Variants in DDX47 observed in about 807,000 individuals in gnomAD.
The protein encoded by DDX47 is probable ATP-dependent RNA helicase DDX47.
In DDX47, 60 loss-of-function variants were observed where a neutral mutation model predicts 58.8. The ratio of observed to expected loss-of-function variants is 1.02; its 90% CI spans 0.83 to 1.26. The LOEUF is 1.26. DDX47 is among the 50% of genes most tolerant of loss of function. DDX47 has a pLI of 0.00. For synonymous variants in DDX47, 197 were observed against 204.6 expected (o/e 0.96, Z 0.32); for missense variants, 530 against 573.2 (o/e 0.92, Z 0.77).
rs111488457 is a variant in DDX47, at chr12:12,827,045, C to T, written c.1107-201C>T. ...GCGTTGGGATTACAGGTGCAAGCCA[C>T]CATGCCTGGCCTCCCTTGAGTGATT... is the stretch of plus-strand genomic sequence containing the variant. On this transcript the variant is annotated intron_variant, in intron 10 of 11. Coordinates refer to ENST00000358007, the MANE Select transcript of DDX47 (RefSeq NM_016355.4). Among the ~76,000 whole-genome samples the T allele has an allele frequency of 5.9e-5, 9 of 152,306 alleles. 2 individuals are homozygous for T. The highest frequency in any genetic ancestry group is 2.2e-4 in the African/African-American group (9 of 41,566).
intron 2 of DDX47, among the ~76,000 whole-genome samples, chr12:12,818,034 G>A (rs1352824141): frequency 6.6e-6 from 1 of 152,210 alleles, no homozygotes; most frequent in African/African-American, 2.4e-5. Flanking sequence ...TACACAGGCT[G>A]GGACGGCAGT....
At chr12:12,823,721 A>T (rs1863007654) in intron 7 of DDX47, 149 bp from the exon 8 acceptor site, 1 of 736,328 alleles carries the variant, frequency 1.4e-6, no homozygotes, top group Admixed American at 2.7e-5. Context: ...AGAGATGATA[A>T]TGCTGGTTAA....
At chr12:12,816,577 T>C (rs1862900854) in intron 2 of DDX47, among the ~76,000 whole-genome samples, 1 of 152,192 alleles carries the variant, frequency 6.6e-6, no homozygotes, top group South Asian at 2.1e-4. Flanking sequence ...ATACACACTG[T>C]ATCCAAAGAG....
chr12:12,825,747 G>A (rs961479167), intron 9 of DDX47, among the ~76,000 whole-genome samples: 1 of 152,126 alleles, frequency 6.6e-6, no homozygotes, highest in Non-Finnish European at 1.5e-5. Flanking sequence ...TGCAGCCTGC[G>A]ACCATGTAGA....
At chr12:12,816,449 T>C (rs997973940) in intron 2 of DDX47, among the ~76,000 whole-genome samples, 3 of 152,182 alleles carry the variant, frequency 2.0e-5, no homozygotes, top group African/African-American at 7.2e-5. Context: ...AAACTTTGCA[T>C]TGTATACCAT....
rs565789222 is a variant in DDX47 at position 12,813,388 on chromosome 12, C to T, written c.21C>T (p.His7=). 23 of 1,613,476 alleles carry T rather than the reference C, an allele frequency of 1.4e-5. No homozygotes were observed. The South Asian group carries it at 1.8e-4, about 12-fold the overall frequency. The part of the protein sequence containing the change: MAAPEE[H]DSPTEASQPI... ...ACAAGATGGCGGCACCCGAGGAACA[C>T]GATTCTCCGACCGAAGCGTCCCAGC... is the stretch of plus-strand genomic sequence containing the variant. The change falls in exon 1 of 12, where the codon CAC becomes CAT. Residue 7 remains histidine (H), a synonymous_variant. Coordinates refer to ENST00000358007, the MANE Select transcript of DDX47 (RefSeq NM_016355.4).
At chr12:12,821,464 G>A (rs763504593) in intron 3 of DDX47, 68 bp downstream of exon 3, 1 of 1,568,612 alleles carries the variant, frequency 6.4e-7, no homozygotes, top group Non-Finnish European at 8.8e-7. Flanking sequence ...GGAGGAAGGA[G>A]AATGGAGGAA....
intron 4 of DDX47, 61 bp from the exon 5 acceptor site, chr12:12,821,899 ATTTGT>A (rs2136422565): frequency 4.7e-6 from 6 of 1,266,490 alleles, no homozygotes; most frequent in East Asian, 4.7e-5. Context: ...TTATTTGTTT[ATTTGT>A]TTTGTTTTTT....
Position 12,821,215 on chromosome 12 carries a change from T to C in DDX47, c.189T>C (p.Asp63=). The change falls in exon 3 of 12, where the codon GAT becomes GAC. Residue 63 remains aspartate, a synonymous_variant. Coordinates refer to ENST00000358007, the MANE Select transcript of DDX47 (RefSeq NM_016355.4). ...EAIPLALQGR[D]IIGLAETGSG... Reference sequence around the variant, plus strand: ...AATTTCTTTTTCTTTTAGGTCGTGATATCATTGGGCTTGCAGAAACTGGCT... The same window carrying C: ...AATTTCTTTTTCTTTTAGGTCGTGACATCATTGGGCTTGCAGAAACTGGCT... 1 of 1,614,202 alleles carries C rather than the reference T, an allele frequency of 6.2e-7. No individual in the cohort carries two copies. The highest frequency in any genetic ancestry group is 8.5e-7 in the Non-Finnish European group (1 of 1,180,042).
intron 2 of DDX47, chr12:12,820,805 T>G (rs566057588): frequency 1.0e-4 from 22 of 213,804 alleles, no homozygotes; most frequent in Non-Finnish European, 2.0e-4. Context: ...CCAGCCAGCA[T>G]GCTATGTTCT....
intron 1 of DDX47, 101 bp downstream of exon 1, chr12:12,813,555 T>C: frequency 4.5e-6 from 5 of 1,100,202 alleles, no homozygotes; most frequent in Admixed American, 4.3e-5. Flanking sequence ...CAAAAGCATC[T>C]TGGGGCCTAG....
chr12:12,829,679 C>A lies in DDX47; in HGVS notation c.*125C>A. The A allele has an allele frequency of 8.2e-7, 1 of 1,220,536 alleles. No individual in the cohort carries two copies. The highest frequency in any genetic ancestry group is 1.1e-6 in the Non-Finnish European group (1 of 893,010). The allele number at this position is 1,220,536 out of a possible 1,614,324, so 75.6% of individuals were successfully genotyped here. Reference sequence around the variant, plus strand: ...GTGTCCAGAATGTGCTCAGCTAATTCAGTATTCTTCCCCATTCTGGGTTGG... The same window carrying A: ...GTGTCCAGAATGTGCTCAGCTAATTAAGTATTCTTCCCCATTCTGGGTTGG... On this transcript the variant is annotated 3_prime_UTR_variant, in exon 12 of 12. Coordinates refer to ENST00000358007, the MANE Select transcript of DDX47 (RefSeq NM_016355.4).
intron 8 of DDX47, 87 bp downstream of exon 8, chr12:12,824,103 A>G (rs1034180631): frequency 1.4e-6 from 2 of 1,441,234 alleles, no homozygotes; most frequent in Non-Finnish European, 1.9e-6. Context: ...ATAAGGCCAT[A>G]GGGCACCGAT....
intron 7 of DDX47, 102 bp from the exon 8 acceptor site, chr12:12,823,768 G>A (rs1863008424): frequency 8.3e-7 from 1 of 1,207,968 alleles, no homozygotes; most frequent in South Asian, 1.5e-5. Context: ...CTGGATAATT[G>A]AAAAGCGACT....
chr12:12,814,218 T>G lies in DDX47; in HGVS notation c.175T>G (p.Leu59Val). ...CCAGATTGAAGCTATTCCTTTGGCC[T>G]TACAAGGTAGGTTGTATGACTTCGT... ...KIQIEAIPLA[L>V]QGRDIIGLAE... is the part of the protein sequence containing the mutation. Residue 59 changes from leucine (L) to valine (V), a missense_variant, in exon 2 of 12, where the codon TTA (leucine) becomes GTA (valine). Coordinates refer to ENST00000358007, the MANE Select transcript of DDX47 (RefSeq NM_016355.4). The G allele has an allele frequency of 6.2e-7, 1 of 1,603,516 alleles. No homozygotes were observed. Among genetic ancestry groups the G allele is most frequent in the East Asian group, 2.2e-5 (1 of 44,786 alleles).
chr12:12,819,076 G>A (rs1270660020), intron 2 of DDX47, among the ~76,000 whole-genome samples: 1 of 152,172 alleles, frequency 6.6e-6, no homozygotes, highest in Non-Finnish European at 1.5e-5. Context: ...TTACAGGTCT[G>A]TTCTACTTGA....
In DDX47 at chr12:12,821,286, T is replaced by C. The variant is rs1242801934; in HGVS notation, c.260T>C (p.Leu87Pro). 6.2e-7 allele frequency: 1 copy of C among 1,614,126 alleles called. No homozygotes were observed. The highest frequency in any genetic ancestry group is 1.3e-5 in the African/African-American group (1 of 74,952). The stretch of plus-strand genomic sequence containing the variant: ...GCTTTGCCCATTCTAAACGCACTGC[T>C]GGAGACCCCGCAGCGTTTGTTTGCC... ...AFALPILNAL[L>P]ETPQRLFALV... is the part of the protein sequence containing the mutation. Residue 87 changes from leucine (L) to proline (P), a missense_variant, in exon 3 of 12, where the codon CTG becomes CCG. Physicochemically the swap from Leu to Pro is moderately conservative, Grantham distance 98 (BLOSUM62 -3). Coordinates refer to ENST00000358007, the MANE Select transcript of DDX47 (RefSeq NM_016355.4).
At chr12:12,825,882 C>A (rs781695222) in intron 9 of DDX47, 118 bp from the exon 10 acceptor site, 97 of 730,108 alleles carry the variant, frequency 1.3e-4, no homozygotes, top group Non-Finnish European at 1.8e-4. Context: ...TTTATTTTCT[C>A]CATGTTACGA....
At chr12:12,828,987 T>G (rs1863093081) in intron 11 of DDX47, among the ~76,000 whole-genome samples, 1 of 152,238 alleles carries the variant, frequency 6.6e-6, no homozygotes, top group Non-Finnish European at 1.5e-5. Context: ...CACCCTACTT[T>G]GTACAGCTTT....
Sources: allele counts gnomAD v4.1 joint callset (sites outside exome capture counted in the v4.1 genomes callset), GRCh38; gene constraint gnomAD v4.1.1; transcripts MANE v1.5; gene names NCBI Gene and HGNC (gene_info 2026-07-23, HGNC 2026-07-21).